Variants in TAFA5 observed in about 807,000 individuals in gnomAD.
TAFA5 encodes the protein chemokine-like protein TAFA-5.
Under a neutral mutation model 15.3 loss-of-function variants are expected in TAFA5, and 6 were observed. The observed-to-expected ratio is 0.39, with a 90% confidence interval of 0.21 to 0.77. The LOEUF (loss-of-function observed/expected upper bound fraction) is 0.77, where lower values mean the gene tolerates loss of function less well. Among genes scored for constraint, TAFA5 ranks in the 30% least tolerant of loss-of-function variants. The pLI is 0.41. For synonymous variants in TAFA5, 103 were observed against 80.7 expected, an observed-to-expected ratio of 1.28 and a Z score of -1.48; for missense variants, 161 against 193.1, an observed-to-expected ratio of 0.83 and a Z score of 0.98.
chr22:48,566,470 G>GGATGGGTGGATGACA lies in TAFA5; in HGVS notation c.112+76772_112+76786dup, dbSNP rs943431919. The stretch of plus-strand genomic sequence containing the variant: ...ATTGATTGATGGAGGGATGGATGTT[G>GGATGGGTGGATGACA]GATGGGTGGATGACAGATGGATGGA... On this transcript the variant is annotated intron_variant, in intron 1 of 3. Transcript: ENST00000402357. This position sits in a 1 kb window ranked among gnomAD's most constrained non-coding sequence, Gnocchi z 4.5. 5.9e-5 allele frequency among the ~76,000 whole-genome samples: 9 copies of GGATGGGTGGATGACA among 151,916 alleles called. No homozygotes were observed. The South Asian group carries it at 1.9e-3, about 32-fold the overall frequency.
chr22:48,735,014 C>G (rs1358088201), intron 3 of TAFA5, among the ~76,000 whole-genome samples: 1 of 152,224 alleles, frequency 6.6e-6, no homozygotes, highest in Non-Finnish European at 1.5e-5. Context: ...TAAACTCAAT[C>G]GGAGAAATCC....
chr22:48,586,832 C>T (rs1055173886), intron 1 of TAFA5, among the ~76,000 whole-genome samples: 3 of 152,242 alleles, frequency 2.0e-5, no homozygotes, highest in Non-Finnish European at 4.4e-5. Flanking sequence ...CCCCTTTGTC[C>T]AGACACTGTT....
chr22:48,496,294 G>C (rs2064718139), intron 1 of TAFA5, among the ~76,000 whole-genome samples: 1 of 151,084 alleles, frequency 6.6e-6, no homozygotes, highest in Admixed American at 6.6e-5. Flanking sequence ...AGATGCTTTT[G>C]GTCACGGCAT....
chr22:48,586,257 G>T (rs1456140095), intron 1 of TAFA5, among the ~76,000 whole-genome samples: 1 of 152,268 alleles, frequency 6.6e-6, no homozygotes, highest in Admixed American at 6.5e-5. Flanking sequence ...AGGCAGAGGT[G>T]GCGTGGGTGT....
chr22:48,499,711 G>A (rs984404333), intron 1 of TAFA5, among the ~76,000 whole-genome samples: 1 of 152,218 alleles, frequency 6.6e-6, no homozygotes, highest in Admixed American at 6.5e-5. Flanking sequence ...CCTGCCTGGG[G>A]CGACCTCTGC....
chr22:48,716,733 C>G (rs1929412712), intron 3 of TAFA5, among the ~76,000 whole-genome samples: 1 of 152,204 alleles, frequency 6.6e-6, no homozygotes, highest in Non-Finnish European at 1.5e-5. Context: ...CACATACACA[C>G]ACGTATATGT....
chr22:48,504,669 G>C (rs956555865), intron 1 of TAFA5, among the ~76,000 whole-genome samples: 1 of 152,236 alleles, frequency 6.6e-6, no homozygotes, highest in Non-Finnish European at 1.5e-5. Flanking sequence ...CTGCCCCACA[G>C]CCAGCTCTGG....
chr22:48,520,450 C>T (rs932930717), intron 1 of TAFA5, among the ~76,000 whole-genome samples: 1 of 152,242 alleles, frequency 6.6e-6, no homozygotes, highest in African/African-American at 2.4e-5. Context: ...ACCACTTACC[C>T]TTCTCGCTGG....
intron 2 of TAFA5, among the ~76,000 whole-genome samples, chr22:48,671,049 C>G (rs1927787669): frequency 6.6e-6 from 1 of 152,202 alleles, no homozygotes; most frequent in African/African-American, 2.4e-5. Flanking sequence ...TCTTTTGTAT[C>G]CCAGGGACAC....
intron 1 of TAFA5, among the ~76,000 whole-genome samples, chr22:48,638,191 C>T (rs1287217775): frequency 6.6e-6 from 1 of 152,050 alleles, no homozygotes; most frequent in Non-Finnish European, 1.5e-5. Flanking sequence ...TTGAGAGCCA[C>T]TCCTACAAGG....
rs183152157 is a variant in TAFA5, at chr22:48,670,193, C to T, written c.262+23447C>T. Among the ~76,000 whole-genome samples, 24 of 152,344 alleles carry T rather than the reference C, an allele frequency of 1.6e-4. No homozygotes were observed. The East Asian group carries it at 3.7e-3, about 23-fold the overall frequency. ...CCCACACTGCCCCTCATTCTGTAAT[C>T]GGCTGCTAATGGCCCTGTGCGCCTT... On this transcript the variant is annotated intron_variant, in intron 2 of 3. Transcript: ENST00000402357.
intron 2 of TAFA5, among the ~76,000 whole-genome samples, chr22:48,656,781 T>G (rs1319793330): frequency 8.2e-5 from 2 of 24,504 alleles, no homozygotes; most frequent in African/African-American, 2.6e-4. Context: ...TTTTTTTTTT[T>G]GAAGATGGAG....
intron 2 of TAFA5, among the ~76,000 whole-genome samples, chr22:48,652,442 T>C (rs921401272): frequency 1.1e-4 from 17 of 152,194 alleles, no homozygotes; most frequent in African/African-American, 4.1e-4. Context: ...TCATACAACA[T>C]GGGGACATCT....
intron 2 of TAFA5, among the ~76,000 whole-genome samples, chr22:48,663,670 C>T (rs1927520293): frequency 6.6e-6 from 1 of 152,228 alleles, no homozygotes; most frequent in African/African-American, 2.4e-5. Context: ...AATTGCACGT[C>T]ATTCTGAGTA....
intron 1 of TAFA5, among the ~76,000 whole-genome samples, chr22:48,633,239 A>T (rs776642629): frequency 2.0e-5 from 3 of 152,198 alleles, no homozygotes; most frequent in Non-Finnish European, 4.4e-5. Context: ...AGGGATGAGG[A>T]GGGCACGAAT....
intron 2 of TAFA5, among the ~76,000 whole-genome samples, chr22:48,690,800 G>A (rs1331019497): frequency 2.0e-5 from 3 of 152,190 alleles, no homozygotes; most frequent in Non-Finnish European, 4.4e-5. Context: ...CTCTGCCCAG[G>A]AGGCTGTGGG....
At position 48,697,347 on chromosome 22, in the gene TAFA5, T is replaced by TGATGATGATGATAATGATGAC. The variant is rs1461953243; in HGVS notation, c.263-10359_263-10339dup. 3.5e-5 allele frequency among the ~76,000 whole-genome samples: 5 copies of TGATGATGATGATAATGATGAC among 142,512 alleles called. No individual in the cohort carries two copies. The East Asian group carries it at 9.9e-4, about 28-fold the overall frequency. 93.5% of individuals were successfully genotyped at this position (142,512 alleles called of 152,430 possible). On this transcript the variant is annotated intron_variant, in intron 2 of 3. Coordinates refer to ENST00000402357, the MANE Select transcript of TAFA5 (RefSeq NM_001082967.3). ...GTGGTTATGGTGACAGTGGTGATGA[T>TGATGATGATGATAATGATGAC]GATGATGATGATAATGATGACGATG...
chr22:48,567,602 G>C lies in TAFA5; in HGVS notation c.112+77898G>C, dbSNP rs148146789. 1.9e-3 allele frequency among the ~76,000 whole-genome samples: 292 copies of C among 152,264 alleles called. 2 individuals carry two copies. Among genetic ancestry groups the C allele is most frequent in the Admixed American group, 4.8e-3 (74 of 15,294 alleles). On this transcript the variant is annotated intron_variant, in intron 1 of 3. Transcript: ENST00000402357. ...CGTGGGCAGGTGGCCTGAGGAGAGG[G>C]GGGACAGGCCTGCTCCTCCAAAGGT...
At chr22:48,584,928 C>CACACCACACACACACACAA (rs1924283472) in intron 1 of TAFA5, among the ~76,000 whole-genome samples, 1 of 147,350 alleles carries the variant, frequency 6.8e-6, no homozygotes, top group Admixed American at 6.8e-5. Flanking sequence ...CACACACACA[C>CACACCACACACACACACAA]AAAATACACT....
Sources: allele counts gnomAD v4.1 joint callset (sites outside exome capture counted in the v4.1 genomes callset), GRCh38; gene constraint gnomAD v4.1.1; non-coding constraint Gnocchi (gnomAD v3.1); transcripts MANE v1.5; gene names NCBI Gene and HGNC (gene_info 2026-07-23, HGNC 2026-07-21).